The following BMP2K variants were observed in gnomAD, a reference collection of about 807,000 sequenced individuals.
The protein encoded by BMP2K is BMP-2-inducible protein kinase.
In BMP2K, 74 loss-of-function variants were observed where a neutral mutation model predicts 116.0. The observed-to-expected ratio is 0.64, with a 90% CI of 0.53 to 0.77. The LOEUF is 0.77. BMP2K is among the 30% of genes least tolerant of loss of function. The pLI, the probability that BMP2K is intolerant of heterozygous loss-of-function variation, is 0.00. For synonymous variants in BMP2K, 486 were observed against 502.5 expected (o/e 0.97, Z 0.44); for missense variants, 1,365 against 1,403.6 (o/e 0.97, Z 0.44).
intron 1 of BMP2K, among the ~76,000 whole-genome samples, chr4:78,777,814 G>GA (rs1242276380): frequency 5.3e-5 from 8 of 152,116 alleles, no homozygotes; most frequent in Non-Finnish European, 1.2e-4. Flanking sequence ...TAGCACAAGG[G>GA]AAAAAACCTG....
rs1734786879 is a variant in BMP2K at position 78,913,521 on chromosome 4, TA to T, written c.*1489del. 6.6e-6 allele frequency: 1 copy of T among 152,188 alleles called. No homozygotes were observed. Among genetic ancestry groups the T allele is most frequent in the African/African-American group, 2.4e-5 (1 of 41,468 alleles). 9.4% of individuals were successfully genotyped at this position (152,188 alleles called of 1,614,324 possible). ...TGGAAGTTTCTAGAACAGTTAATGC[TA>T]TTTACAGAAAGGAGTAGAAACTCAT... On this transcript the variant is annotated 3_prime_UTR_variant, in exon 16 of 16. Coordinates refer to ENST00000502613, the MANE Select transcript of BMP2K (RefSeq NM_198892.2).
At chr4:78,905,443 G>A (rs1268770681) in intron 15 of BMP2K, among the ~76,000 whole-genome samples, 4 of 151,866 alleles carry the variant, frequency 2.6e-5, no homozygotes, top group Non-Finnish European at 4.4e-5. Flanking sequence ...AACAGTGGGT[G>A]AATATATGAA....
At chr4:78,906,392 A>C (rs1734286251) in intron 15 of BMP2K, among the ~76,000 whole-genome samples, 1 of 152,172 alleles carries the variant, frequency 6.6e-6, no homozygotes, top group African/African-American at 2.4e-5. Flanking sequence ...CAGTCTATCT[A>C]CACCAACAGA....
intron 13 of BMP2K, among the ~76,000 whole-genome samples, chr4:78,876,450 A>G (rs1732635838): frequency 6.6e-6 from 1 of 152,230 alleles, no homozygotes; most frequent in Non-Finnish European, 1.5e-5. Flanking sequence ...TAGGTAACTT[A>G]CTATTTATTT....
intron 11 of BMP2K, among the ~76,000 whole-genome samples, chr4:78,871,490 A>G (rs1732354278): frequency 6.6e-6 from 1 of 152,180 alleles, no homozygotes; most frequent in South Asian, 2.1e-4. Flanking sequence ...AGTAGGTGGT[A>G]CCATGGGATG....
At chr4:78,797,642 A>G (rs1202584609) in intron 1 of BMP2K, among the ~76,000 whole-genome samples, 1 of 152,198 alleles carries the variant, frequency 6.6e-6, no homozygotes, top group Non-Finnish European at 1.5e-5. Context: ...AGTGTGTCTT[A>G]TCATTTTTAT....
At position 78,911,242 on chromosome 4, in the gene BMP2K, A is replaced by C; in HGVS notation, c.2695A>C (p.Thr899Pro). 1.2e-6 allele frequency: 2 copies of C among 1,613,994 alleles called. No individual in the cohort carries two copies. Among genetic ancestry groups the C allele is most frequent in the South Asian group, 2.2e-5 (2 of 91,074 alleles). ...GGAGCAGGAGGAATTTGATGTATTC[A>C]CAAAGGCGCCTTTTAGCAAGAAGGT... ...GLEQEEFDVF[T>P]KAPFSKKVNV... Residue 899 changes from threonine to proline, a missense_variant, in exon 16 of 16, where the codon ACA becomes CCA. Thr to Pro is a conservative substitution (Grantham distance 38). This residue lies in a region of BMP2K where 596 missense variants were observed against 623.2 expected (regional missense o/e 0.96). Transcript: ENST00000502613.
rs573746967 is a variant in BMP2K, at chr4:78,790,419, T to C, written c.178+13698T>C. 2.0e-5 allele frequency among the ~76,000 whole-genome samples: 3 copies of C among 152,214 alleles called. No homozygotes were observed. The South Asian group carries it at 6.2e-4, about 32-fold the overall frequency. ...TCCCAGTAATAGTTAGAAAATAAAT[T>C]ACATTCGTAATAGCAAAACAATGTA... On this transcript the variant is annotated intron_variant, in intron 1 of 15. Coordinates refer to ENST00000502613, the MANE Select transcript of BMP2K (RefSeq NM_198892.2).
rs1370290612 is a variant in BMP2K, at chr4:78,912,709, A to C, written c.*676A>C. On this transcript the variant is annotated 3_prime_UTR_variant, in exon 16 of 16. Transcript: ENST00000502613. ...TCAATTTAACTATTCCACAACTTACATATTCCAAAACAATGTTATACATGA... is the reference window on the plus strand; with the variant it reads ...TCAATTTAACTATTCCACAACTTACCTATTCCAAAACAATGTTATACATGA... 6.6e-6 allele frequency: 1 copy of C among 152,232 alleles called. No homozygotes were observed. The highest frequency in any genetic ancestry group is 2.4e-5 in the African/African-American group (1 of 41,460). The allele number at this position is 152,232 out of a possible 1,614,324, so 9.4% of individuals were successfully genotyped here.
chr4:78,883,408 A>G (rs1032409649), intron 14 of BMP2K, among the ~76,000 whole-genome samples: 3 of 152,220 alleles, frequency 2.0e-5, no homozygotes, highest in Non-Finnish European at 2.9e-5. Context: ...CTTTAGAAAC[A>G]TAAATGATTT....
At chr4:78,819,520 A>G (rs1209707335) in intron 1 of BMP2K, among the ~76,000 whole-genome samples, 2 of 152,230 alleles carry the variant, frequency 1.3e-5, no homozygotes, top group Non-Finnish European at 2.9e-5. Context: ...GTATAAGGAA[A>G]CTGGGGCTCA....
chr4:78,870,079 A>G (rs1220352684), intron 10 of BMP2K, among the ~76,000 whole-genome samples: 2 of 152,300 alleles, frequency 1.3e-5, no homozygotes, highest in East Asian at 1.9e-4. Flanking sequence ...CATTAAGTGT[A>G]TATCTTACTT....
intron 13 of BMP2K, among the ~76,000 whole-genome samples, chr4:78,874,037 G>T (rs1023319018): frequency 6.6e-6 from 1 of 151,950 alleles, no homozygotes; most frequent in Non-Finnish European, 1.5e-5. Flanking sequence ...AATTATCTAG[G>T]TGTGGTGGTG....
chr4:78,880,202 A>T (rs1258586309), intron 14 of BMP2K, among the ~76,000 whole-genome samples: 1 of 152,188 alleles, frequency 6.6e-6, no homozygotes, highest in Admixed American at 6.5e-5. Context: ...CCTCCCGAGT[A>T]GCTGGGATTA....
Position 78,844,945 on chromosome 4 carries a change from G to T in BMP2K, c.564G>T (p.Leu188Phe). 1 of 1,596,216 alleles carries T rather than the reference G, an allele frequency of 6.3e-7. No individual in the cohort carries two copies. Among genetic ancestry groups the T allele is most frequent in the Non-Finnish European group, 8.6e-7 (1 of 1,166,334 alleles). The change falls in exon 5 of 16, where the codon TTG becomes TTT. Residue 188 changes from leucine to phenylalanine, a missense_variant. By Grantham distance (22) the Leu-to-Phe change is conservative. Coordinates refer to ENST00000502613, the MANE Select transcript of BMP2K (RefSeq NM_198892.2). ...HRDLKVENIL[L>F]NDGGNYVLCD... ...TTCTTAAGGTAGAAAATATTTTGTT[G>T]AATGATGGTGGGAACTATGTACTTT...
chr4:78,777,001 T>C (rs1727282198), intron 1 of BMP2K, among the ~76,000 whole-genome samples: 1 of 152,052 alleles, frequency 6.6e-6, no homozygotes, highest in Admixed American at 6.5e-5. Context: ...GGCTAGGAAG[T>C]GGGTTGGTGT....
At chr4:78,840,096 C>G (rs1730684982) in intron 3 of BMP2K, among the ~76,000 whole-genome samples, 1 of 150,896 alleles carries the variant, frequency 6.6e-6, no homozygotes, top group African/African-American at 2.5e-5. Flanking sequence ...TTTTTTTTAA[C>G]TAAGTGGTAA....
chr4:78,782,507 T>C (rs1037750971), intron 1 of BMP2K, among the ~76,000 whole-genome samples: 2 of 152,184 alleles, frequency 1.3e-5, no homozygotes, highest in Admixed American at 1.3e-4. Flanking sequence ...AATTTGCAAA[T>C]TGAAGAGCAC....
intron 1 of BMP2K, among the ~76,000 whole-genome samples, chr4:78,805,196 C>T (rs963476737): frequency 1.2e-4 from 18 of 152,156 alleles, no homozygotes; most frequent in Admixed American, 7.2e-4. Flanking sequence ...TCTTTTGGCA[C>T]CCTTGTTGAA....
Sources: allele counts gnomAD v4.1 joint callset (sites outside exome capture counted in the v4.1 genomes callset), GRCh38; gene constraint gnomAD v4.1.1; regional missense constraint gnomAD v4.1.1; transcripts MANE v1.5; gene names NCBI Gene and HGNC (gene_info 2026-07-23, HGNC 2026-07-21).